Variants in PTPN22 observed in about 807,000 individuals in gnomAD.
The protein encoded by PTPN22 is tyrosine-protein phosphatase non-receptor type 22.
Under a neutral mutation model 103.3 loss-of-function variants are expected in PTPN22, and 85 were observed. That is an observed-to-expected ratio of 0.82 (90% confidence interval 0.69 to 0.99). The LOEUF (loss-of-function observed/expected upper bound fraction) is 0.99. Among genes scored for constraint, PTPN22 ranks in the 50% least tolerant of loss-of-function variants. PTPN22 has a pLI of 0.00. For synonymous variants in PTPN22, 323 were observed against 310.2 expected (o/e 1.04, Z -0.43); for missense variants, 865 against 936.9 (o/e 0.92, Z 1.00).
chr1:113,814,920 T>C, exon 21 of PTPN22: 1 of 1,607,458 alleles, frequency 6.2e-7, no homozygotes, highest in Non-Finnish European at 8.5e-7. Context: ...TATTCCAAGT[T>C]GGTGGTGGAT....
chr1:113,851,156 A>AT (rs5777169), intron 10 of PTPN22, among the ~76,000 whole-genome samples: 104,236 of 146,652 alleles, frequency 0.71, 37,197 homozygotes, highest in South Asian at 0.77. Context: ...TGTGATTGTA[A>AT]TTTTTTTTTT....
rs577684648 is a variant in PTPN22 at position 113,861,316 on chromosome 1, C to T, written c.88-1856G>A. On this transcript the variant is annotated intron_variant, in intron 1 of 20. Transcript: ENST00000359785. ...AGTGCAGTGGCATGATCTCGGTTCA[C>T]TGCAACCTCTGCCACCCAGGTTCAA... Among the ~76,000 whole-genome samples the T allele has an allele frequency of 4.6e-5, 7 of 152,326 alleles. No individual in the cohort carries two copies. In the South Asian group the frequency reaches 1.5e-3, roughly 32 times the overall value.
At chr1:113,842,598 C>T (rs982295515) in intron 11 of PTPN22, among the ~76,000 whole-genome samples, 3 of 151,910 alleles carry the variant, frequency 2.0e-5, no homozygotes, top group Admixed American at 2.0e-4. Flanking sequence ...CGCTTGAACC[C>T]GGGAGGCAGA....
chr1:113,826,845 A>G (rs1173173433), intron 18 of PTPN22, among the ~76,000 whole-genome samples: 1 of 150,004 alleles, frequency 6.7e-6, no homozygotes, highest in East Asian at 2.0e-4. Flanking sequence ...AATTTTTTGT[A>G]TTTTTAGTAG....
intron 11 of PTPN22, among the ~76,000 whole-genome samples, chr1:113,841,716 C>G (rs1438909552): frequency 1.3e-5 from 2 of 151,852 alleles, no homozygotes; most frequent in Admixed American, 1.3e-4. Context: ...AATTCTCCTG[C>G]ATTAGCCTCC....
intron 11 of PTPN22, among the ~76,000 whole-genome samples, chr1:113,847,240 T>C (rs1321186171): frequency 6.7e-6 from 1 of 149,780 alleles, no homozygotes; most frequent in African/African-American, 2.4e-5. Flanking sequence ...GAGACTCTTT[T>C]TTTTTTTTTT....
intron 1 of PTPN22, among the ~76,000 whole-genome samples, chr1:113,861,647 G>C (rs1240245938): frequency 6.6e-6 from 1 of 152,042 alleles, no homozygotes; most frequent in Non-Finnish European, 1.5e-5. Context: ...CCAAAGTGCT[G>C]GGATTATAGG....
rs1189764379 is a variant in PTPN22, at chr1:113,826,735, T to A, written c.2251-1563A>T. Among the ~76,000 whole-genome samples the A allele has an allele frequency of 4.5e-5, 6 of 132,930 alleles. No homozygotes were observed. The Admixed American group carries it at 4.9e-4, about 11-fold the overall frequency. 87.2% of individuals were successfully genotyped at this position (132,930 alleles called of 152,430 possible). A position where few individuals can be genotyped will look rare whatever the true frequency, so the allele number is the denominator to read the frequency against. On this transcript the variant is annotated intron_variant, in intron 18 of 20. Transcript: ENST00000359785. Reference sequence around the variant, plus strand: ...CCCAGGCTGGAGTGCAGTGGCGGGATCTCGGCTCACTGCAAGCTCCGCCTC... The same window carrying A: ...CCCAGGCTGGAGTGCAGTGGCGGGAACTCGGCTCACTGCAAGCTCCGCCTC...
intron 18 of PTPN22, among the ~76,000 whole-genome samples, chr1:113,826,037 A>T (rs1465479276): frequency 2.0e-5 from 3 of 151,814 alleles, no homozygotes. Context: ...TAATTATGCT[A>T]TCAGAATATT....
Position 113,831,958 on chromosome 1 carries a change from C to T in PTPN22, c.2053+1153G>A, listed in dbSNP as rs539471604. On this transcript the variant is annotated intron_variant, in intron 16 of 20. Transcript: ENST00000359785. ...TTTAATGATTAATAAAAATTATAATCGATAATATTTAATGAGGACTTATTT... is the reference window on the plus strand; with the variant it reads ...TTTAATGATTAATAAAAATTATAATTGATAATATTTAATGAGGACTTATTT... 5.8e-4 allele frequency among the ~76,000 whole-genome samples: 88 copies of T among 152,118 alleles called. 1 individual carries two copies. In the Middle Eastern group the frequency reaches 0.024, roughly 41 times the overall value.
intron 11 of PTPN22, among the ~76,000 whole-genome samples, chr1:113,841,353 G>A (rs1180336224): frequency 6.6e-6 from 1 of 152,086 alleles, no homozygotes; most frequent in Non-Finnish European, 1.5e-5. Flanking sequence ...AAATGGGCAA[G>A]CTTCATGACA....
intron 14 of PTPN22, 107 bp from the exon 15 acceptor site, chr1:113,834,546 T>C: frequency 8.6e-7 from 1 of 1,164,388 alleles, no homozygotes; most frequent in Non-Finnish European, 1.2e-6. Flanking sequence ...TGAGAAGTAA[T>C]CTAGTTAATT....
At chr1:113,831,218 C>T (rs1662514568) in intron 16 of PTPN22, among the ~76,000 whole-genome samples, 1 of 152,142 alleles carries the variant, frequency 6.6e-6, no homozygotes, top group Non-Finnish European at 1.5e-5. Flanking sequence ...AATTCCTCTG[C>T]CTAACTTTGG....
chr1:113,842,961 G>A (rs1436415258), intron 11 of PTPN22, among the ~76,000 whole-genome samples: 5 of 147,852 alleles, frequency 3.4e-5, no homozygotes, highest in Non-Finnish European at 7.5e-5. Context: ...ATAGCCGGGC[G>A]TAGTGGCGGG....
At chr1:113,820,059 C>G (rs1435554162) in intron 19 of PTPN22, among the ~76,000 whole-genome samples, 1 of 152,142 alleles carries the variant, frequency 6.6e-6, no homozygotes, top group East Asian at 1.9e-4. Context: ...ATAATTCATC[C>G]ATGACAAGTC....
intron 8 of PTPN22, 26 bp downstream of exon 8, chr1:113,854,881 T>C (rs776503054): frequency 6.2e-7 from 1 of 1,605,228 alleles, no homozygotes; most frequent in South Asian, 1.1e-5. Flanking sequence ...TCATTTTGGG[T>C]AGAAGGTTTA....
chr1:113,849,928 GCT>G (rs1398196288), intron 10 of PTPN22, among the ~76,000 whole-genome samples: 1 of 151,752 alleles, frequency 6.6e-6, no homozygotes, highest in African/African-American at 2.4e-5. Flanking sequence ...GGGCATGGTG[GCT>G]CACGCCTGTA....
intron 10 of PTPN22, among the ~76,000 whole-genome samples, chr1:113,849,266 C>G (rs1664345223): frequency 6.6e-6 from 1 of 152,062 alleles, no homozygotes; most frequent in Non-Finnish European, 1.5e-5. Flanking sequence ...AAAAAGTAAA[C>G]CACTAAATAA....
At chr1:113,839,156 T>C (rs1663290386) in intron 11 of PTPN22, among the ~76,000 whole-genome samples, 1 of 152,210 alleles carries the variant, frequency 6.6e-6, no homozygotes, top group African/African-American at 2.4e-5. Context: ...TCTAAGTAAT[T>C]AGATCTCTGC....
Sources: gnomAD v4.1 joint callset for allele counts (sites outside exome capture counted in the v4.1 genomes callset) on GRCh38, gnomAD v4.1.1 for gene constraint, MANE v1.5 for transcripts, NCBI Gene and HGNC (gene_info 2026-07-23, HGNC 2026-07-21) for gene names.